Variants in KIF6 observed in about 807,000 individuals in gnomAD.
KIF6 encodes the protein kinesin-like protein KIF6.
In KIF6, 106 loss-of-function variants were observed where a neutral mutation model predicts 112.7. The observed-to-expected ratio is 0.94, with a 90% CI of 0.80 to 1.11. KIF6 has a LOEUF of 1.11. Ranked by LOEUF, KIF6 falls within the 50% of genes least tolerant of loss-of-function variation. The pLI, the probability that KIF6 is intolerant of heterozygous loss-of-function variation, is 0.00. For missense variants in KIF6, 929 were observed against 964.0 expected (o/e 0.96, Z 0.48); for synonymous variants, 339 against 339.9 (o/e 1.00, Z 0.03).
At chr6:39,588,269 G>T (rs1781743447) in intron 7 of KIF6, among the ~76,000 whole-genome samples, 1 of 152,040 alleles carries the variant, frequency 6.6e-6, no homozygotes, top group Non-Finnish European at 1.5e-5. Flanking sequence ...GCTGAAGTGT[G>T]GTGGCACAAT....
At chr6:39,351,420 A>G (rs2395724) in intron 19 of KIF6, among the ~76,000 whole-genome samples, 26,120 of 150,370 alleles carry the variant, frequency 0.17, 2,647 homozygotes, top group African/African-American at 0.28. Flanking sequence ...AGGTAAGGAT[A>G]TTTTCATATT....
intron 3 of KIF6, among the ~76,000 whole-genome samples, chr6:39,658,383 A>G (rs1478164442): frequency 6.6e-6 from 1 of 152,198 alleles, no homozygotes; most frequent in African/African-American, 2.4e-5. Flanking sequence ...TTTAGTTCGG[A>G]AAATAAAAAC....
At position 39,720,737 on chromosome 6, in the gene KIF6, C is replaced by T. The variant is rs1427102891; in HGVS notation, c.141G>A (p.Gly47=). 2 of 1,607,942 alleles carry T rather than the reference C, an allele frequency of 1.2e-6. No individual in the cohort carries two copies. The highest frequency in any genetic ancestry group is 1.3e-5 in the African/African-American group (1 of 74,934). ...EIILPRDLAD[G]FVNNKRESYK... ...AGCTTTCTCGCTTATTATTCACAAA[C>T]CCATCTGCCAAATCACGTGGTAAGA... is the stretch of plus-strand genomic sequence containing the variant. Residue 47 remains glycine (G), a synonymous_variant, in exon 2 of 23, where the codon GGG becomes GGA. Coordinates refer to ENST00000287152, the MANE Select transcript of KIF6 (RefSeq NM_145027.6).
At chr6:39,583,674 C>CTTTTTTTTTTTT in intron 9 of KIF6, among the ~76,000 whole-genome samples, 1 of 71,704 alleles carries the variant, frequency 1.4e-5, no homozygotes, top group Non-Finnish European at 2.8e-5. Context: ...GATTTCACTT[C>CTTTTTTTTTTTT]TTTTTTTTTT....
intron 2 of KIF6, among the ~76,000 whole-genome samples, chr6:39,719,067 C>T (rs1790043466): frequency 6.6e-6 from 1 of 152,036 alleles, no homozygotes; most frequent in African/African-American, 2.4e-5. Flanking sequence ...GCCTGTAATC[C>T]CAGCACTTTG....
At chr6:39,371,459 T>G (rs554959636) in intron 16 of KIF6, among the ~76,000 whole-genome samples, 16 of 152,294 alleles carry the variant, frequency 1.1e-4, no homozygotes, top group African/African-American at 3.9e-4. Context: ...CATGGGAGAC[T>G]TCTCTGCGGG....
chr6:39,652,041 A>G (rs1785498698), intron 3 of KIF6, among the ~76,000 whole-genome samples: 2 of 152,116 alleles, frequency 1.3e-5, no homozygotes, highest in African/African-American at 4.8e-5. Context: ...AGATGATGAA[A>G]TCAGTCTTGG....
intron 13 of KIF6, among the ~76,000 whole-genome samples, chr6:39,521,734 C>T (rs887567616): frequency 6.6e-6 from 1 of 152,178 alleles, no homozygotes; most frequent in African/African-American, 2.4e-5. Flanking sequence ...CCTCCACCCC[C>T]ATTCTACCAC....
intron 15 of KIF6, among the ~76,000 whole-genome samples, chr6:39,398,611 G>T (rs926582413): frequency 3.3e-5 from 5 of 152,154 alleles, no homozygotes; most frequent in African/African-American, 1.2e-4. Flanking sequence ...CATTATTTTG[G>T]GGGAAGCTCT....
intron 10 of KIF6, among the ~76,000 whole-genome samples, chr6:39,553,129 C>A (rs536330525): frequency 1.3e-5 from 2 of 152,206 alleles, no homozygotes; most frequent in Non-Finnish European, 2.9e-5. Flanking sequence ...GTATTATATA[C>A]ATTATATGCT....
At chr6:39,365,611 T>C (rs1458888524) in intron 16 of KIF6, among the ~76,000 whole-genome samples, 1 of 152,220 alleles carries the variant, frequency 6.6e-6, no homozygotes, top group Non-Finnish European at 1.5e-5. Context: ...GGTAGGACTT[T>C]CAATGGACAA....
chr6:39,473,665 G>T (rs1398622477), intron 13 of KIF6, among the ~76,000 whole-genome samples: 1 of 152,028 alleles, frequency 6.6e-6, no homozygotes, highest in African/African-American at 2.4e-5. Context: ...GGAGGCAGGG[G>T]GCTGTTTTTT....
At chr6:39,579,065 C>G (rs1157223768) in intron 9 of KIF6, among the ~76,000 whole-genome samples, 1 of 152,110 alleles carries the variant, frequency 6.6e-6, no homozygotes. Context: ...TCTCTTTGAG[C>G]ACGTATGTAA....
Position 39,720,785 on chromosome 6 carries a change from T to G in KIF6, c.93A>C (p.Lys31Asn), listed in dbSNP as rs1251957185. 21 of 1,592,852 alleles carry G rather than the reference T, an allele frequency of 1.3e-5. No homozygotes were observed. Among genetic ancestry groups the G allele is most frequent in the Non-Finnish European group, 1.8e-5 (21 of 1,160,840 alleles). Reference sequence around the variant, plus strand: ...AGATGATTTCCAAGCTAGGTATTAATTTTTCATCTTCATCTATGGAATAAA... The same window carrying G: ...AGATGATTTCCAAGCTAGGTATTAAGTTTTCATCTTCATCTATGGAATAAA... ...QGIYSIDEDE[K>N]LIPSLEIILP... The change falls in exon 2 of 23, where the codon AAA becomes AAC. Residue 31 changes from lysine (K) to asparagine (N), a missense_variant. Transcript: ENST00000287152.
Position 39,335,390 on chromosome 6 carries a change from A to T in KIF6, c.*1142T>A, listed in dbSNP as rs72858469. 0.043 allele frequency: 6,558 copies of T among 152,192 alleles called. 223 individuals carry two copies. The highest frequency in any genetic ancestry group is 0.061 in the Non-Finnish European group (4,132 of 68,032). 9.4% of individuals were successfully genotyped at this position (152,192 alleles called of 1,614,324 possible). A position where few individuals can be genotyped will look rare whatever the true frequency, so the allele number is the denominator to read the frequency against. On this transcript the variant is annotated 3_prime_UTR_variant, in exon 23 of 23. Transcript: ENST00000287152. ...TGGGCCTGCCTAGCTTAGAAATGTA[A>T]TGGTTTAATCTTCTCCTGCATGATC...
rs1762695038 is a variant in KIF6 at position 39,330,293 on chromosome 6, G to A, written c.*6239C>T. The A allele has an allele frequency of 6.6e-6, 1 of 152,352 alleles. No individual in the cohort carries two copies. Among genetic ancestry groups the A allele is most frequent in the African/African-American group, 2.4e-5 (1 of 41,454 alleles). 9.4% of individuals were successfully genotyped at this position (152,352 alleles called of 1,614,324 possible). ...CTTCCTGAAAGAAGAAAAGGGAACT[G>A]AGACCCACATGAGGCCTGGACTATG... On this transcript the variant is annotated 3_prime_UTR_variant, in exon 23 of 23. Transcript: ENST00000287152.
chr6:39,431,282 C>G, intron 13 of KIF6, 121 bp from the exon 14 acceptor site: 1 of 629,292 alleles, frequency 1.6e-6, no homozygotes, highest in South Asian at 1.9e-5. Flanking sequence ...CAGAGAGACT[C>G]TGACCAGACA....
intron 15 of KIF6, among the ~76,000 whole-genome samples, chr6:39,402,325 A>G (rs1160479861): frequency 2.6e-5 from 4 of 152,106 alleles, no homozygotes; most frequent in Non-Finnish European, 5.9e-5. Flanking sequence ...AATGCAAACA[A>G]TTGTCCTCAA....
At chr6:39,480,181 G>A (rs1186109909) in intron 13 of KIF6, among the ~76,000 whole-genome samples, 39 of 152,186 alleles carry the variant, frequency 2.6e-4, no homozygotes, top group Non-Finnish European at 1.2e-4. Context: ...AATGTTGGCT[G>A]TGGGTTTGTC....
Sources: allele counts gnomAD v4.1 joint callset (sites outside exome capture counted in the v4.1 genomes callset), GRCh38; gene constraint gnomAD v4.1.1; transcripts MANE v1.5; gene names NCBI Gene and HGNC (gene_info 2026-07-23, HGNC 2026-07-21).